SLFN12: variants seen among roughly 807,000 people sequenced by gnomAD.
SLFN12 encodes ribonuclease SLFN12.
Under a neutral mutation model 29.1 loss-of-function variants are expected in SLFN12, and 25 were observed. The observed-to-expected ratio is 0.86, with a 90% confidence interval of 0.63 to 1.20. SLFN12 has a LOEUF of 1.20. Ranked by LOEUF, SLFN12 falls within the 50% of genes most tolerant of loss-of-function variation. SLFN12 has a pLI of 0.00. For synonymous variants in SLFN12, 257 were observed against 238.7 expected (o/e 1.08, Z -0.71); for missense variants, 660 against 666.2 (o/e 0.99, Z 0.10).
At position 35,411,847 on chromosome 17, in the gene SLFN12, T is replaced by C. The variant is rs1911040162; in HGVS notation, c.1228A>G (p.Ile410Val). The C allele has an allele frequency of 2.5e-6, 4 of 1,613,888 alleles. No homozygotes were observed. ...CTGACAGAGTCCATTTCTTCACATA[T>C]TAATTGCTTAAGTCCTTCATGTTGT... Reference protein sequence around the residue: ...FLQHEGLKQLICEEMDSVRKG... With the variant: ...FLQHEGLKQLVCEEMDSVRKG... The change falls in exon 4 of 4, where the codon ATA becomes GTA. Residue 410 changes from isoleucine (I) to valine (V), a missense_variant. Ile to Val is a conservative substitution (Grantham distance 29). Transcript: ENST00000304905.
rs374671404 is a variant in SLFN12 at position 35,411,908 on chromosome 17, C to T, written c.1167G>A (p.Thr389=). ...TTCTGCAAAGGTTTTCTGGAGTATA[C>T]GTTATCCTTCCTGATAGCCCTGAAT... ...HHCPGLSGRI[T]YTPENLCRKL... The change falls in exon 4 of 4, where the codon ACG becomes ACA. Residue 389 remains threonine (T), a synonymous_variant. Transcript: ENST00000304905. 1.6e-5 allele frequency: 25 copies of T among 1,601,682 alleles called. No homozygotes were observed. Among genetic ancestry groups the T allele is most frequent in the African/African-American group, 1.5e-4 (11 of 74,366 alleles).
At chr17:35,412,332 C>T (rs1305830180) in intron 3 of SLFN12, among the ~76,000 whole-genome samples, 1 of 152,062 alleles carries the variant, frequency 6.6e-6, no homozygotes, top group Non-Finnish European at 1.5e-5. Flanking sequence ...ATACAAATTT[C>T]CCTCAACTCA....
chr17:35,422,579 T>A lies in SLFN12; in HGVS notation c.450A>T (p.Lys150Asn), dbSNP rs143063295. ...TTAAATACAATCTCCCTCTAGTCTTTTTCATGTCTTTGAGGAACTCCAGTG... is the reference window on the plus strand; with the variant it reads ...TTAAATACAATCTCCCTCTAGTCTTATTCATGTCTTTGAGGAACTCCAGTG... ...TAALEFLKDM[K>N]KTRGRLYLRP... is the part of the protein sequence containing the mutation. Residue 150 changes from lysine to asparagine, a missense_variant, in exon 2 of 4, where the codon AAA becomes AAT. Coordinates refer to ENST00000304905, the MANE Select transcript of SLFN12 (RefSeq NM_018042.5). The A allele has an allele frequency of 1.9e-6, 3 of 1,613,980 alleles. No homozygotes were observed. The highest frequency in any genetic ancestry group is 2.5e-6 in the Non-Finnish European group (3 of 1,180,022).
rs777758856 is a variant in SLFN12, at chr17:35,422,587, C to T, written c.442G>A (p.Asp148Asn). Residue 148 changes from aspartate to asparagine, a missense_variant, in exon 2 of 4, where the codon GAC (aspartate) becomes AAC (asparagine). Coordinates refer to ENST00000304905, the MANE Select transcript of SLFN12 (RefSeq NM_018042.5). ...NATAALEFLK[D>N]MKKTRGRLYL... ...AATCTCCCTCTAGTCTTTTTCATGT[C>T]TTTGAGGAACTCCAGTGCAGCAGTG... 1 of 1,613,990 alleles carries T rather than the reference C, an allele frequency of 6.2e-7. No individual in the cohort carries two copies. The highest frequency in any genetic ancestry group is 1.1e-5 in the South Asian group (1 of 91,068).
At chr17:35,413,674 G>A (rs565339833) in intron 3 of SLFN12, among the ~76,000 whole-genome samples, 17 of 151,548 alleles carry the variant, frequency 1.1e-4, no homozygotes, top group East Asian at 5.8e-4. Flanking sequence ...GCTTGAACCC[G>A]GGAGGTGGAG....
intron 3 of SLFN12, among the ~76,000 whole-genome samples, chr17:35,412,708 G>A (rs1420680702): frequency 2.0e-5 from 3 of 151,786 alleles, no homozygotes; most frequent in Admixed American, 6.6e-5. Context: ...AAAAAATTAC[G>A]AGACAGAATA....
In SLFN12 at chr17:35,422,394, T is replaced by A; in HGVS notation, c.635A>T (p.Glu212Val). ...CTCTTTAATTCGTTGTAACAACTTT[T>A]CTGTCGAGAAGTTTTTAATTTCAAC... ...THVEIKNFSTEKLLQRIKEIL... is the reference protein window; with the variant it reads ...THVEIKNFSTVKLLQRIKEIL... The change falls in exon 2 of 4, where the codon GAA (glutamate) becomes GTA (valine). Residue 212 changes from glutamate (E) to valine (V), a missense_variant. By Grantham distance (121) the Glu-to-Val change is moderately radical. Transcript: ENST00000304905. 13 of 1,614,034 alleles carry A rather than the reference T, an allele frequency of 8.1e-6. 1 individual carries two copies. Among genetic ancestry groups the A allele is most frequent in the Non-Finnish European group, 8.5e-6 (10 of 1,179,998 alleles).
intron 2 of SLFN12, among the ~76,000 whole-genome samples, chr17:35,421,112 G>A (rs1323875933): frequency 1.3e-5 from 2 of 151,838 alleles, no homozygotes; most frequent in South Asian, 2.1e-4. Flanking sequence ...GGAAGGCTGA[G>A]GCAGGAGAAT....
Position 35,413,577 on chromosome 17 carries a change from G to A in SLFN12, c.1148-1650C>T, listed in dbSNP as rs540465217. 2.6e-5 allele frequency among the ~76,000 whole-genome samples: 4 copies of A among 151,852 alleles called. No individual in the cohort carries two copies. The South Asian group carries it at 8.3e-4, about 32-fold the overall frequency. ...AACCTGGCCAACATGGTGACACCCC[G>A]TCTCTACTAAAAATACAGAAAATTA... On this transcript the variant is annotated intron_variant, in intron 3 of 3. Transcript: ENST00000304905.
chr17:35,429,554 C>T (rs929260770), intron 1 of SLFN12, among the ~76,000 whole-genome samples: 1 of 151,976 alleles, frequency 6.6e-6, no homozygotes, highest in African/African-American at 2.4e-5. Flanking sequence ...TCTATCAGAC[C>T]TGAACTCACT....
chr17:35,427,573 A>G (rs1253424120), intron 1 of SLFN12, among the ~76,000 whole-genome samples: 1 of 152,130 alleles, frequency 6.6e-6, no homozygotes, highest in Non-Finnish European at 1.5e-5. Flanking sequence ...AGAGTTGGTC[A>G]TGGTTGGCCA....
intron 3 of SLFN12, among the ~76,000 whole-genome samples, chr17:35,414,243 C>CA (rs1468947185): frequency 6.6e-6 from 1 of 151,876 alleles, no homozygotes; most frequent in Admixed American, 6.6e-5. Flanking sequence ...AAGATGCCAC[C>CA]AAAAAATGAT....
chr17:35,429,421 G>T (rs966979256), intron 1 of SLFN12, among the ~76,000 whole-genome samples: 2 of 152,084 alleles, frequency 1.3e-5, no homozygotes, highest in African/African-American at 4.8e-5. Flanking sequence ...AAAATGAGCT[G>T]GGGATTGAGC....
chr17:35,431,526 G>T lies in SLFN12; in HGVS notation c.-41+662C>A, dbSNP rs555924003. Among the ~76,000 whole-genome samples, 4 of 152,190 alleles carry T rather than the reference G, an allele frequency of 2.6e-5. No homozygotes were observed. The South Asian group carries it at 8.3e-4, about 32-fold the overall frequency. ...CTAGGCCTAAGAACCTCTACCAAAG[G>T]AACCCCCTTGGAGAGGCTGAGGTCC... On this transcript the variant is annotated intron_variant, in intron 1 of 3. Transcript: ENST00000304905.
At chr17:35,427,237 G>A (rs1912067821) in intron 1 of SLFN12, among the ~76,000 whole-genome samples, 1 of 152,114 alleles carries the variant, frequency 6.6e-6, no homozygotes, top group Non-Finnish European at 1.5e-5. Context: ...AGTTTTGAAT[G>A]CTGCTTTTCC....
In SLFN12 at chr17:35,423,016, C is replaced by T. The variant is rs1911799339; in HGVS notation, c.13G>A (p.Val5Ile). ...TCGGCATAATTCGTTTCCAAATCAACACTGATGTTCATTTTCCCAGCAGCT... is the reference window on the plus strand; with the variant it reads ...TCGGCATAATTCGTTTCCAAATCAATACTGATGTTCATTTTCCCAGCAGCT... Reference protein sequence around the residue: MNISVDLETNYAELV... With the variant: MNISIDLETNYAELV... Residue 5 changes from valine to isoleucine, a missense_variant, in exon 2 of 4, where the codon GTT (valine) becomes ATT (isoleucine). Coordinates refer to ENST00000304905, the MANE Select transcript of SLFN12 (RefSeq NM_018042.5). The T allele has an allele frequency of 6.2e-7, 1 of 1,609,014 alleles. No individual in the cohort carries two copies. The highest frequency in any genetic ancestry group is 1.3e-5 in the African/African-American group (1 of 74,794).
At position 35,421,971 on chromosome 17, in the gene SLFN12, C is replaced by G; in HGVS notation, c.1039+19G>C. ...ACCCAAGCCAAATGCATTCCTGTTG[C>G]GAATCCCCCGCTCTCAACTTGGTTC... On this transcript the variant is annotated intron_variant, in intron 2 of 3. Transcript: ENST00000304905. 1 of 1,604,866 alleles carries G rather than the reference C, an allele frequency of 6.2e-7. No homozygotes were observed. Among genetic ancestry groups the G allele is most frequent in the Non-Finnish European group, 8.5e-7 (1 of 1,173,936 alleles).
chr17:35,425,415 A>T (rs146537812), intron 1 of SLFN12, among the ~76,000 whole-genome samples: 1 of 152,166 alleles, frequency 6.6e-6, no homozygotes, highest in East Asian at 1.9e-4. Flanking sequence ...ACCTTTAACC[A>T]ACATTTCCCC....
Position 35,411,586 on chromosome 17 carries a change from T to A in SLFN12, c.1489A>T (p.Ile497Phe). 2 of 1,614,092 alleles carry A rather than the reference T, an allele frequency of 1.2e-6. No individual in the cohort carries two copies. Among genetic ancestry groups the A allele is most frequent in the Admixed American group, 3.3e-5 (2 of 60,026 alleles). The change falls in exon 4 of 4, where the codon ATC becomes TTC. Residue 497 changes from isoleucine (I) to phenylalanine (F), a missense_variant. Ile to Phe is a conservative substitution (Grantham distance 21). Coordinates refer to ENST00000304905, the MANE Select transcript of SLFN12 (RefSeq NM_018042.5). ...ATGCCTTCAGGGCTCAAGTAGAAGA[T>A]CTTTGTCATGACACACACTTTTTTA... is the stretch of plus-strand genomic sequence containing the variant. ...YTKKVCVMTK[I>F]FYLSPEGMTS...
Sources: gnomAD v4.1 joint callset for allele counts (sites outside exome capture counted in the v4.1 genomes callset) on GRCh38, gnomAD v4.1.1 for gene constraint, MANE v1.5 for transcripts, NCBI Gene and HGNC (gene_info 2026-07-23, HGNC 2026-07-21) for gene names.